NDUFA10: variants seen among roughly 807,000 people sequenced by gnomAD.
The protein encoded by NDUFA10 is NADH dehydrogenase [ubiquinone] 1 alpha subcomplex subunit 10, mitochondrial.
In NDUFA10, 40 loss-of-function variants were observed where a neutral mutation model predicts 47.8. That is an observed-to-expected ratio of 0.84 (90% CI 0.65 to 1.09). The LOEUF (loss-of-function observed/expected upper bound fraction) is 1.09. NDUFA10 is among the 50% of genes least tolerant of loss of function. The pLI, the probability that NDUFA10 is intolerant of heterozygous loss-of-function variation, is 0.00. For missense variants in NDUFA10, 413 were observed against 451.1 expected (o/e 0.92, Z 0.76); for synonymous variants, 183 against 172.2 (o/e 1.06, Z -0.49).
intron 4 of NDUFA10, among the ~76,000 whole-genome samples, chr2:239,898,340 C>T (rs371259569): frequency 9.2e-5 from 14 of 152,242 alleles, no homozygotes; most frequent in Admixed American, 3.9e-4. Flanking sequence ...GCTCAGCCTG[C>T]GCCCGGGGCT....
intron 4 of NDUFA10, among the ~76,000 whole-genome samples, chr2:239,933,956 C>T (rs766427883): frequency 2.6e-5 from 4 of 152,182 alleles, no homozygotes; most frequent in Non-Finnish European, 5.9e-5. Flanking sequence ...CATCTGGGCT[C>T]AAGCAATCCT....
At chr2:239,940,910 G>A (rs1694350273) in intron 4 of NDUFA10, among the ~76,000 whole-genome samples, 1 of 152,218 alleles carries the variant, frequency 6.6e-6, no homozygotes, top group African/African-American at 2.4e-5. Flanking sequence ...AATGATGACA[G>A]AGTAGAATCC....
Position 239,961,202 on chromosome 2 carries a change from G to A in NDUFA10, c.1000-16C>T. On this transcript the variant is annotated splice_polypyrimidine_tract_variant and intron_variant, in intron 9 of 9. Coordinates refer to ENST00000252711, the MANE Select transcript of NDUFA10 (RefSeq NM_004544.4). The stretch of plus-strand genomic sequence containing the variant: ...GGCCCGGCAGCTGTGGGGGAAAAAG[G>A]CATTGGTGCATTCTGTTTAACGTGA... The A allele has an allele frequency of 6.2e-7, 1 of 1,614,088 alleles. No individual in the cohort carries two copies. The highest frequency in any genetic ancestry group is 8.5e-7 in the Non-Finnish European group (1 of 1,179,966).
chr2:239,899,382 G>C, intron 4 of NDUFA10, among the ~76,000 whole-genome samples: 1 of 116,744 alleles, frequency 8.6e-6, no homozygotes, highest in Non-Finnish European at 2.0e-5. Context: ...GGGGTGTGGA[G>C]GGGTGTGGTG....
intron 1 of NDUFA10, 53 bp from the exon 2 acceptor site, chr2:240,022,393 A>G: frequency 6.2e-7 from 1 of 1,611,904 alleles, no homozygotes; most frequent in Non-Finnish European, 8.5e-7. Context: ...TGGTTCCTGT[A>G]GGCATTAGTA....
chr2:239,929,990 T>C (rs1340704848), intron 4 of NDUFA10, among the ~76,000 whole-genome samples: 48 of 35,396 alleles, frequency 1.4e-3, no homozygotes, highest in Admixed American at 4.2e-3. Flanking sequence ...CCTCAGCCAG[T>C]CCTGCTTCTC....
intron 4 of NDUFA10, 65 bp downstream of exon 4, chr2:240,018,488 A>G (rs759265265): frequency 6.2e-7 from 1 of 1,613,916 alleles, no homozygotes; most frequent in Non-Finnish European, 8.5e-7. Context: ...GTGCAAGGTG[A>G]GTCTATCACA....
intron 9 of NDUFA10, among the ~76,000 whole-genome samples, chr2:239,978,061 G>T (rs896612271): frequency 1.3e-5 from 2 of 152,100 alleles, no homozygotes; most frequent in Non-Finnish European, 2.9e-5. Context: ...TGAGCTGAGA[G>T]GCCTCCCTGC....
At chr2:239,927,697 A>G (rs527931112) in intron 4 of NDUFA10, among the ~76,000 whole-genome samples, 2 of 152,330 alleles carry the variant, frequency 1.3e-5, no homozygotes, top group South Asian at 4.1e-4. Context: ...GAGCTGCAGA[A>G]CAGCTTCCTG....
rs1024636112 is a variant in NDUFA10, at chr2:239,959,509, A to C, written c.*1609T>G. 8 of 985,342 alleles carry C rather than the reference A, an allele frequency of 8.1e-6. No individual in the cohort carries two copies. The African/African-American group carries it at 1.4e-4, about 17-fold the overall frequency. 61.0% of individuals were successfully genotyped at this position (985,342 alleles called of 1,614,324 possible). ...TGGCCCAATGCCCAGCTGTGCTTTC[A>C]TTTCATGATTAAAGCTGTTGGTTTC... is the stretch of plus-strand genomic sequence containing the variant. On this transcript the variant is annotated 3_prime_UTR_variant, in exon 10 of 10. Coordinates refer to ENST00000252711, the MANE Select transcript of NDUFA10 (RefSeq NM_004544.4).
At chr2:239,983,836 T>G (rs976409582) in intron 9 of NDUFA10, 13 of 1,451,580 alleles carry the variant, frequency 9.0e-6, no homozygotes, top group Non-Finnish European at 9.2e-7. Context: ...TAAGGAGACA[T>G]GAGGACCCAA....
At position 239,913,657 on chromosome 2, in the gene NDUFA10, C is replaced by T. The variant is rs572277718; in HGVS notation, c.295-18343G>A. ...GCGTCAGGCTCACGTCTGTGCAGGC[C>T]TTCTGCCTCCTGTTGCTGTAACACT... On this transcript the variant is annotated intron_variant, in intron 4 of 5. Transcript: ENST00000419408. Among the ~76,000 whole-genome samples, 22 of 152,348 alleles carry T rather than the reference C, an allele frequency of 1.4e-4. No homozygotes were observed. The East Asian group carries it at 3.7e-3, about 25-fold the overall frequency.
At chr2:239,953,571 C>T (rs1043401070), downstream of NDUFA10, among the ~76,000 whole-genome samples, 2 of 152,132 alleles carry the variant, frequency 1.3e-5, no homozygotes, top group Non-Finnish European at 2.9e-5. Flanking sequence ...GAGGAGCACT[C>T]GGTGTCTTCT....
rs112004435 is a variant in NDUFA10, at chr2:239,975,950, A to G, written c.999+14124T>C. 8.5e-3 allele frequency among the ~76,000 whole-genome samples: 1,294 copies of G among 152,154 alleles called. 18 individuals carry two copies. The highest frequency in any genetic ancestry group is 0.03 in the African/African-American group (1,234 of 41,510). ...AAAATGTCATCTTAACCATCACTCC[A>G]CATCATCCATTTAGTAGTCCTACCT... On this transcript the variant is annotated intron_variant, in intron 9 of 9. Transcript: ENST00000252711.
intron 9 of NDUFA10, chr2:239,969,651 G>A (rs1209415455): frequency 8.5e-6 from 4 of 471,108 alleles, no homozygotes; most frequent in African/African-American, 8.0e-5. Context: ...CCGCAAGGAA[G>A]AGCAAAGGCT....
intron 8 of NDUFA10, among the ~76,000 whole-genome samples, chr2:240,003,959 A>G (rs1376162662): frequency 2.6e-5 from 4 of 152,176 alleles, no homozygotes; most frequent in Non-Finnish European, 5.9e-5. Flanking sequence ...CTGGGCCAAG[A>G]CCTACGGTGG....
chr2:239,955,849 A>G (rs1694642181), downstream of NDUFA10, among the ~76,000 whole-genome samples: 1 of 152,268 alleles, frequency 6.6e-6, no homozygotes, highest in African/African-American at 2.4e-5. Flanking sequence ...CACGGCTCTC[A>G]GCAGATGCAA....
At chr2:239,896,006 G>T (rs1336263805) in intron 4 of NDUFA10, among the ~76,000 whole-genome samples, 1 of 152,204 alleles carries the variant, frequency 6.6e-6, no homozygotes, top group Non-Finnish European at 1.5e-5. Context: ...TAGGGTCTTT[G>T]GTTGTTGGTG....
chr2:239,998,954 C>T (rs868251151), intron 8 of NDUFA10, among the ~76,000 whole-genome samples: 17 of 152,172 alleles, frequency 1.1e-4, no homozygotes, highest in African/African-American at 3.9e-4. Flanking sequence ...ACAGAGGGAG[C>T]CCCCAAGGCT....
Sources: allele counts gnomAD v4.1 joint callset (sites outside exome capture counted in the v4.1 genomes callset), GRCh38; gene constraint gnomAD v4.1.1; transcripts MANE v1.5; gene names NCBI Gene and HGNC (gene_info 2026-07-23, HGNC 2026-07-21).